Variants in DLG2 observed in about 807,000 individuals in gnomAD.
DLG2 encodes the protein disks large homolog 2.
In DLG2, 45 loss-of-function variants were observed where a neutral mutation model predicts 132.5. The ratio of observed to expected loss-of-function variants is 0.34; its 90% CI spans 0.27 to 0.44. The LOEUF is 0.44. Among genes scored for constraint, DLG2 ranks in the 20% least tolerant of loss-of-function variants. The probability of loss-of-function intolerance (pLI) is 1.00; values close to 1 mark genes in which losing one functional copy is unlikely to be tolerated. For missense variants in DLG2, 1,045 were observed against 1,196.9 expected, an observed-to-expected ratio of 0.87 and a Z score of 1.87; for synonymous variants, 424 against 419.6, an observed-to-expected ratio of 1.01 and a Z score of -0.13.
At chr11:84,091,716 C>A (rs1407598834) in intron 10 of DLG2, among the ~76,000 whole-genome samples, 4 of 152,206 alleles carry the variant, frequency 2.6e-5, no homozygotes, top group African/African-American at 4.8e-5. Flanking sequence ...TTCAGCAGGT[C>A]AGGAATCTAG....
chr11:83,654,085 A>G (rs1458936721), intron 18 of DLG2, among the ~76,000 whole-genome samples: 2 of 152,034 alleles, frequency 1.3e-5, no homozygotes, highest in Non-Finnish European at 1.5e-5. Context: ...TATTCTGTGG[A>G]TAAGACTGGC....
intron 7 of DLG2, among the ~76,000 whole-genome samples, chr11:84,467,513 T>A (rs187564602): frequency 2.2e-4 from 34 of 151,414 alleles, no homozygotes; most frequent in African/African-American, 5.6e-4. Context: ...TACTTTTTTT[T>A]AAACTTTTCT....
chr11:85,222,423 T>C (rs2074708615), intron 4 of DLG2, among the ~76,000 whole-genome samples: 1 of 152,224 alleles, frequency 6.6e-6, no homozygotes, highest in African/African-American at 2.4e-5. Flanking sequence ...ACACCCACTC[T>C]TCTGGAACTT....
chr11:84,618,851 G>T (rs1466377579), intron 6 of DLG2, among the ~76,000 whole-genome samples: 1 of 151,846 alleles, frequency 6.6e-6, no homozygotes, highest in Non-Finnish European at 1.5e-5. Flanking sequence ...AAGATTATCA[G>T]ACACATAATT....
In DLG2 at chr11:85,150,010, A is replaced by ATTTTTTTTTTTT. The variant is rs962380618; in HGVS notation, c.282+4534_282+4545dup. Among the ~76,000 whole-genome samples the ATTTTTTTTTTTT allele has an allele frequency of 5.3e-4, 60 of 112,304 alleles. 5 individuals are homozygous for ATTTTTTTTTTTT. Among genetic ancestry groups the ATTTTTTTTTTTT allele is most frequent in the African/African-American group, 1.9e-3 (49 of 26,098 alleles). 73.7% of individuals were successfully genotyped at this position (112,304 alleles called of 152,430 possible). On this transcript the variant is annotated intron_variant, in intron 5 of 27. Transcript: ENST00000376104. Reference sequence around the variant, plus strand: ...ATTAACTCAAAAACATCAGTTTTTAATTTTTTTTTTTTTTTTTTTTTTTTT... The same window carrying ATTTTTTTTTTTT: ...ATTAACTCAAAAACATCAGTTTTTAATTTTTTTTTTTTTTTTTTTTTTTTTTTTTTTTTTTTT...
At chr11:84,672,351 T>A (rs956582200) in intron 6 of DLG2, among the ~76,000 whole-genome samples, 1 of 152,118 alleles carries the variant, frequency 6.6e-6, no homozygotes, top group African/African-American at 2.4e-5. Flanking sequence ...CGTAGAAGCA[T>A]ATCTCAGGCA....
chr11:84,470,719 G>A (rs1368303284), intron 7 of DLG2, among the ~76,000 whole-genome samples: 1 of 151,704 alleles, frequency 6.6e-6, no homozygotes, highest in Admixed American at 6.6e-5. Context: ...AATGATAAAG[G>A]AAGTTTGAGA....
At chr11:84,659,955 T>G (rs879637885) in intron 6 of DLG2, among the ~76,000 whole-genome samples, 1 of 152,174 alleles carries the variant, frequency 6.6e-6, no homozygotes, top group Admixed American at 6.6e-5. Flanking sequence ...TTCTGTCTTC[T>G]ACTCATGGAG....
chr11:84,892,042 T>C (rs1443504812), intron 6 of DLG2, among the ~76,000 whole-genome samples: 1 of 152,212 alleles, frequency 6.6e-6, no homozygotes, highest in Non-Finnish European at 1.5e-5. Context: ...AAATGGCACC[T>C]TATAACTGAG....
chr11:85,001,660 C>T (rs2058223901), intron 6 of DLG2, among the ~76,000 whole-genome samples: 3 of 152,094 alleles, frequency 2.0e-5, no homozygotes, highest in Admixed American at 2.0e-4. Flanking sequence ...AGTGAAAGTA[C>T]TGCTTATGAA....
At chr11:84,536,799 C>G (rs1225737402) in intron 6 of DLG2, among the ~76,000 whole-genome samples, 1 of 152,140 alleles carries the variant, frequency 6.6e-6, no homozygotes. Flanking sequence ...TGATTTATAT[C>G]CTAAATAATA....
chr11:85,242,001 T>C (rs192388424), intron 4 of DLG2, among the ~76,000 whole-genome samples: 1 of 152,086 alleles, frequency 6.6e-6, no homozygotes, highest in East Asian at 1.9e-4. Flanking sequence ...GGATTCCATA[T>C]ATAGTGAATC....
intron 3 of DLG2, among the ~76,000 whole-genome samples, chr11:85,302,612 G>A (rs886799546): frequency 1.3e-5 from 2 of 149,800 alleles, no homozygotes; most frequent in Non-Finnish European, 3.0e-5. Flanking sequence ...GGTGGTGATA[G>A]GCTAATCCAA....
chr11:84,370,220 C>T (rs1395790871), intron 7 of DLG2, among the ~76,000 whole-genome samples: 1 of 152,082 alleles, frequency 6.6e-6, no homozygotes, highest in Non-Finnish European at 1.5e-5. Context: ...ATCTGAGCTG[C>T]CTCTCACCTA....
At chr11:85,427,244 G>A (rs909958898) in intron 3 of DLG2, among the ~76,000 whole-genome samples, 8 of 152,128 alleles carry the variant, frequency 5.3e-5, no homozygotes, top group Non-Finnish European at 8.8e-5. Flanking sequence ...TAGCAAGGCA[G>A]GCCAACATTC....
intron 19 of DLG2, among the ~76,000 whole-genome samples, chr11:83,552,349 C>A (rs758853219): frequency 4.6e-5 from 7 of 152,092 alleles, no homozygotes; most frequent in African/African-American, 7.2e-5. Flanking sequence ...GTTAGATATA[C>A]AGGCATCTGA....
At chr11:83,874,989 T>C (rs945566024) in intron 15 of DLG2, among the ~76,000 whole-genome samples, 2 of 152,156 alleles carry the variant, frequency 1.3e-5, no homozygotes, top group Non-Finnish European at 2.9e-5. Context: ...TTCTTTATGA[T>C]GCAATGTATT....
chr11:84,685,352 A>G (rs2099737186), intron 6 of DLG2, among the ~76,000 whole-genome samples: 1 of 152,226 alleles, frequency 6.6e-6, no homozygotes, highest in Admixed American at 6.5e-5. Flanking sequence ...GCCTGGAAGC[A>G]TTAATAAGAA....
intron 3 of DLG2, among the ~76,000 whole-genome samples, chr11:85,556,068 T>C (rs929954577): frequency 6.6e-6 from 1 of 151,482 alleles, no homozygotes; most frequent in Non-Finnish European, 1.5e-5. Flanking sequence ...TCACTGAGCA[T>C]GGAAGGGAAG....
Sources: gnomAD v4.1 joint callset for allele counts (sites outside exome capture counted in the v4.1 genomes callset) on GRCh38, gnomAD v4.1.1 for gene constraint, MANE v1.5 for transcripts, NCBI Gene and HGNC (gene_info 2026-07-23, HGNC 2026-07-21) for gene names.